Variants in ECHDC3 observed in about 807,000 individuals in gnomAD.
ECHDC3 encodes the protein enoyl-CoA hydratase domain-containing protein 3, mitochondrial.
In ECHDC3, 20 loss-of-function variants were observed where a neutral mutation model predicts 17.9. The observed-to-expected ratio is 1.12, with a 90% CI of 0.79 to 1.63. The LOEUF (loss-of-function observed/expected upper bound fraction) is 1.63. Ranked by LOEUF, ECHDC3 falls within the 40% of genes most tolerant of loss-of-function variation. The pLI is 0.00. For synonymous variants in ECHDC3, 177 were observed against 149.7 expected (o/e 1.18, Z -1.33); for missense variants, 407 against 357.7 (o/e 1.14, Z -1.11).
At chr10:11,750,320 A>G (rs1304199165) in intron 3 of ECHDC3, among the ~76,000 whole-genome samples, 1 of 152,218 alleles carries the variant, frequency 6.6e-6, no homozygotes, top group African/African-American at 2.4e-5. Context: ...AAACAACTCT[A>G]TTAAATGGGA....
At chr10:11,759,391 T>A in intron 4 of ECHDC3, among the ~76,000 whole-genome samples, 1 of 143,706 alleles carries the variant, frequency 7.0e-6, no homozygotes, top group African/African-American at 2.6e-5. Context: ...AAACACGCAG[T>A]CCCAGAGAGC....
intron 4 of ECHDC3, among the ~76,000 whole-genome samples, chr10:11,759,550 T>C (rs749813397): frequency 7.9e-5 from 12 of 152,264 alleles, no homozygotes; most frequent in Middle Eastern, 3.4e-3. Flanking sequence ...ATGTCTGTTG[T>C]TTATAAGCCA....
rs754176751 is a variant in ECHDC3, at chr10:11,763,252, A to G, written c.620A>G (p.Glu207Gly). The G allele has an allele frequency of 1.3e-6, 1 of 779,746 alleles. No individual in the cohort carries two copies. Among genetic ancestry groups the G allele is most frequent in the African/African-American group, 1.7e-5 (1 of 59,250 alleles). 48.3% of individuals were successfully genotyped at this position (779,746 alleles called of 1,614,324 possible). A position where few individuals can be genotyped will look rare whatever the true frequency, so the allele number is the denominator to read the frequency against. Reference sequence around the variant, plus strand: ...GCCTTGGAGATGCTCTTTACTGGTGAGCCCATTTCTGCCCAGGAGGCCCTG... The same window carrying G: ...GCCTTGGAGATGCTCTTTACTGGTGGGCCCATTTCTGCCCAGGAGGCCCTG... Reference protein sequence around the residue: ...KVALEMLFTGEPISAQEALLH... With the variant: ...KVALEMLFTGGPISAQEALLH... Residue 207 changes from glutamate to glycine, a missense_variant, in exon 5 of 5, where the codon GAG becomes GGG. Physicochemically the swap from Glu to Gly is moderately conservative, Grantham distance 98 (BLOSUM62 -2). Coordinates refer to ENST00000379215, the MANE Select transcript of ECHDC3 (RefSeq NM_024693.5). The surrounding 1 kb of genome is among the most constrained non-coding windows in gnomAD (Gnocchi z 4.9).
chr10:11,742,657 C>T lies in ECHDC3; in HGVS notation c.81C>T (p.Pro27=), dbSNP rs1832708095. Residue 27 remains proline, a synonymous_variant, in exon 1 of 5, where the codon CCC becomes CCT. Transcript: ENST00000379215. Reference sequence around the variant, plus strand: ...GGCGCGGCCCCTGGGCCCAGCTCCCCGCCCGCTTCTGCAGCCGGGACCCGG... The same window carrying T: ...GGCGCGGCCCCTGGGCCCAGCTCCCTGCCCGCTTCTGCAGCCGGGACCCGG... The part of the protein sequence containing the change: ...CLRRGPWAQL[P]ARFCSRDPAG... 1.6e-6 allele frequency: 2 copies of T among 1,250,760 alleles called. No individual in the cohort carries two copies. The highest frequency in any genetic ancestry group is 3.2e-5 in the South Asian group (1 of 31,488). The allele number at this position is 1,250,760 out of a possible 1,614,324, so 77.5% of individuals were successfully genotyped here.
chr10:11,746,798 G>A (rs1220124158), intron 1 of ECHDC3, among the ~76,000 whole-genome samples: 2 of 152,130 alleles, frequency 1.3e-5, no homozygotes, highest in African/African-American at 2.4e-5. Context: ...AGCCAAGTGT[G>A]GTGGCGGGCA....
intron 3 of ECHDC3, among the ~76,000 whole-genome samples, chr10:11,751,961 G>A (rs761751597): frequency 6.6e-5 from 10 of 152,122 alleles, no homozygotes; most frequent in Non-Finnish European, 1.2e-4. Flanking sequence ...GTCACATTTT[G>A]GAGTCAGCAG....
chr10:11,759,775 A>G (rs1042032280), intron 4 of ECHDC3, among the ~76,000 whole-genome samples: 1 of 152,208 alleles, frequency 6.6e-6, no homozygotes, highest in Non-Finnish European at 1.5e-5. Flanking sequence ...GAGATCATGG[A>G]CCATCTGCAG....
intron 3 of ECHDC3, among the ~76,000 whole-genome samples, chr10:11,751,436 T>C (rs1458950042): frequency 6.6e-6 from 1 of 152,202 alleles, no homozygotes; most frequent in African/African-American, 2.4e-5. Context: ...AATAACATTG[T>C]CTTGGATAAA....
chr10:11,752,898 T>G (rs1415099650), intron 3 of ECHDC3, among the ~76,000 whole-genome samples: 1 of 152,236 alleles, frequency 6.6e-6, no homozygotes, highest in Admixed American at 6.5e-5. Context: ...AATTTTCATT[T>G]CAGTGAGAAT....
At chr10:11,755,068 C>T (rs1588464459) in intron 3 of ECHDC3, among the ~76,000 whole-genome samples, 1 of 152,220 alleles carries the variant, frequency 6.6e-6, no homozygotes, top group Non-Finnish European at 1.5e-5. Context: ...CGCCTGTAAT[C>T]TGAGCACTTT....
In ECHDC3 at chr10:11,763,791, G is replaced by A; in HGVS notation, c.*247G>A. ...TGCAGCGGGCCAGCTATGGTGGGAA[G>A]CCTGGCATTTGGGGTGCTCCTTGCA... On this transcript the variant is annotated 3_prime_UTR_variant, in exon 5 of 5. Coordinates refer to ENST00000379215, the MANE Select transcript of ECHDC3 (RefSeq NM_024693.5). The surrounding 1 kb of genome is among the most constrained non-coding windows in gnomAD (Gnocchi z 4.9). 7.8e-7 allele frequency: 1 copy of A among 1,285,098 alleles called. No individual in the cohort carries two copies. The highest frequency in any genetic ancestry group is 9.9e-7 in the Non-Finnish European group (1 of 1,014,970). 79.6% of individuals were successfully genotyped at this position (1,285,098 alleles called of 1,614,324 possible). A position where few individuals can be genotyped will look rare whatever the true frequency, so the allele number is the denominator to read the frequency against.
chr10:11,749,720 G>A (rs1181814214), intron 3 of ECHDC3, 128 bp downstream of exon 3: 2 of 464,306 alleles, frequency 4.3e-6, no homozygotes, highest in Non-Finnish European at 7.0e-6. Context: ...ACTGGAAACT[G>A]TTTGGTCATC....
At position 11,759,368 on chromosome 10, in the gene ECHDC3, AAAC is replaced by A. The variant is rs1564285352; in HGVS notation, c.591+3763_591+3765del. Among the ~76,000 whole-genome samples, 10 of 57,712 alleles carry A rather than the reference AAAC, an allele frequency of 1.7e-4. No individual in the cohort carries two copies. In the South Asian group the frequency reaches 1.9e-3, roughly 11 times the overall value. 37.9% of individuals were successfully genotyped at this position (57,712 alleles called of 152,430 possible). ...AAACTCCATCTCTTAAAAAAAAAAA[AAAC>A]AAAAAAAAAAAACACGCAGTCCCAG... On this transcript the variant is annotated intron_variant, in intron 4 of 4. Coordinates refer to ENST00000379215, the MANE Select transcript of ECHDC3 (RefSeq NM_024693.5).
At chr10:11,756,219 G>T (rs1037038504) in intron 4 of ECHDC3, among the ~76,000 whole-genome samples, 1 of 152,228 alleles carries the variant, frequency 6.6e-6, no homozygotes, top group Non-Finnish European at 1.5e-5. Flanking sequence ...GTTAACTACA[G>T]TGAAGTCTGT....
chr10:11,755,773 C>T (rs947947682), intron 4 of ECHDC3, 165 bp downstream of exon 4: 6 of 627,880 alleles, frequency 9.6e-6, no homozygotes, highest in African/African-American at 9.2e-5. Context: ...CCTCTAATGG[C>T]AGGGAGGGAA....
chr10:11,745,304 A>AT (rs35966435), intron 1 of ECHDC3, among the ~76,000 whole-genome samples: 1 of 152,234 alleles, frequency 6.6e-6, no homozygotes, highest in East Asian at 1.9e-4. Flanking sequence ...TTTTTATACA[A>AT]TTTTGCCTGA....
chr10:11,746,760 AC>A (rs1832765627), intron 1 of ECHDC3, among the ~76,000 whole-genome samples: 1 of 152,142 alleles, frequency 6.6e-6, no homozygotes, highest in Admixed American at 6.5e-5. Flanking sequence ...ACATGGTGAA[AC>A]CCCATCTCTA....
rs781084993 is a variant in ECHDC3, at chr10:11,763,950, A to G, written c.*406A>G. The G allele has an allele frequency of 2.0e-6, 2 of 996,860 alleles. No homozygotes were observed. Among genetic ancestry groups the G allele is most frequent in the African/African-American group, 1.7e-5 (1 of 57,518 alleles). 61.8% of individuals were successfully genotyped at this position (996,860 alleles called of 1,614,324 possible). On this transcript the variant is annotated 3_prime_UTR_variant, in exon 5 of 5. Coordinates refer to ENST00000379215, the MANE Select transcript of ECHDC3 (RefSeq NM_024693.5). The surrounding 1 kb of genome is among the most constrained non-coding windows in gnomAD (Gnocchi z 4.9). ...CCTGGCTGCTCAGGAGAGGCGACAC[A>G]TTTCAAATCTCCACGAGATATTCTC... is the stretch of plus-strand genomic sequence containing the variant.
At position 11,763,135 on chromosome 10, in the gene ECHDC3, G is replaced by T; in HGVS notation, c.592-89G>T. 1 of 639,416 alleles carries T rather than the reference G, an allele frequency of 1.6e-6. No individual in the cohort carries two copies. The allele number at this position is 639,416 out of a possible 1,614,324, so 39.6% of individuals were successfully genotyped here. On this transcript the variant is annotated intron_variant, in intron 4 of 4. Coordinates refer to ENST00000379215, the MANE Select transcript of ECHDC3 (RefSeq NM_024693.5). The surrounding 1 kb of genome is among the most constrained non-coding windows in gnomAD (Gnocchi z 4.9). Reference sequence around the variant, plus strand: ...GGCTGGCGGATGACGTGGTATTTGAGGAAGCAGGTCATTGAGCCGAGGCGG... The same window carrying T: ...GGCTGGCGGATGACGTGGTATTTGATGAAGCAGGTCATTGAGCCGAGGCGG...
Sources: allele counts gnomAD v4.1 joint callset (sites outside exome capture counted in the v4.1 genomes callset), GRCh38; gene constraint gnomAD v4.1.1; non-coding constraint Gnocchi (gnomAD v3.1); transcripts MANE v1.5; gene names NCBI Gene and HGNC (gene_info 2026-07-23, HGNC 2026-07-21).